C6orf132: variants seen among roughly 807,000 people sequenced by gnomAD.
C6orf132 encodes chromosome 6 open reading frame 132, also known as uncharacterized protein C6orf132.
A neutral mutation model predicts 65.3 loss-of-function variants in C6orf132; 43 were observed. The observed-to-expected ratio is 0.66, with a 90% CI of 0.52 to 0.85. The LOEUF (loss-of-function observed/expected upper bound fraction) is 0.85, where lower values mean the gene tolerates loss of function less well. C6orf132 is among the 40% of genes least tolerant of loss of function. The pLI, the probability that C6orf132 is intolerant of heterozygous loss-of-function variation, is 0.00. For synonymous variants in C6orf132, 631 were observed against 654.1 expected (o/e 0.96, Z 0.54); for missense variants, 1,488 against 1,548.8 (o/e 0.96, Z 0.66).
At chr6:42,113,220 AG>A (rs1766518210) in intron 2 of C6orf132, among the ~76,000 whole-genome samples, 1 of 152,328 alleles carries the variant, frequency 6.6e-6, no homozygotes, top group African/African-American at 2.4e-5. Flanking sequence ...TTCAAAAGCC[AG>A]GGTTGAGATC....
Position 42,104,350 on chromosome 6 carries a change from G to T in C6orf132, c.3449+113C>A. On this transcript the variant is annotated intron_variant, in intron 4 of 4. Transcript: ENST00000341865. The surrounding 1 kb of genome is among the most constrained non-coding windows in gnomAD (Gnocchi z 4.1). Reference sequence around the variant, plus strand: ...CCTCCCTCCCGCGTTCTACCTGCAAGGCCGAAGGGAGAAAACCAAATGTTT... The same window carrying T: ...CCTCCCTCCCGCGTTCTACCTGCAATGCCGAAGGGAGAAAACCAAATGTTT... The T allele has an allele frequency of 8.2e-7, 1 of 1,222,568 alleles. No homozygotes were observed. Among genetic ancestry groups the T allele is most frequent in the Non-Finnish European group, 1.0e-6 (1 of 982,300 alleles). 75.7% of individuals were successfully genotyped at this position (1,222,568 alleles called of 1,614,324 possible).
At position 42,106,703 on chromosome 6, in the gene C6orf132, G is replaced by A. The variant is rs1562033511; in HGVS notation, c.1209C>T (p.Leu403=). ...APPLPPPAPP[L]PPPAPPLPPA... ...GGGGAAGTGGGGGTGCTGGGGGAGG[G>A]AGGGGGGGTGCAGGAGGGGGCAGGG... is the stretch of plus-strand genomic sequence containing the variant. The change falls in exon 4 of 5, where the codon CTC becomes CTT. Residue 403 remains leucine (L), a synonymous_variant. Transcript: ENST00000341865. 2.4e-6 allele frequency: 3 copies of A among 1,256,472 alleles called. No homozygotes were observed. Among genetic ancestry groups the A allele is most frequent in the East Asian group, 3.2e-5 (1 of 31,556 alleles). 77.8% of individuals were successfully genotyped at this position (1,256,472 alleles called of 1,614,324 possible). A position where few individuals can be genotyped will look rare whatever the true frequency, so the allele number is the denominator to read the frequency against.
In C6orf132 at chr6:42,102,941, T is replaced by C. The variant is rs928994618; in HGVS notation, c.*820A>G. On this transcript the variant is annotated 3_prime_UTR_variant, in exon 5 of 5. Transcript: ENST00000341865. The stretch of plus-strand genomic sequence containing the variant: ...TGTCAAGCCTAAGACTCATGGCTCC[T>C]TGGGCCCAGTCCCCAAAATCAGGGC... 2.5e-6 allele frequency: 1 copy of C among 397,444 alleles called. No individual in the cohort carries two copies. The highest frequency in any genetic ancestry group is 4.4e-6 in the Non-Finnish European group (1 of 225,908). The allele number at this position is 397,444 out of a possible 1,614,324, so 24.6% of individuals were successfully genotyped here.
intron 1 of C6orf132, among the ~76,000 whole-genome samples, chr6:42,131,707 C>G (rs1036459434): frequency 1.2e-4 from 18 of 152,230 alleles, no homozygotes; most frequent in African/African-American, 4.3e-4. Context: ...GTCTGACCCC[C>G]AAGCAGGCGC....
intron 2 of C6orf132, among the ~76,000 whole-genome samples, chr6:42,115,396 C>G (rs988213271): frequency 6.6e-6 from 1 of 152,050 alleles, no homozygotes; most frequent in Non-Finnish European, 1.5e-5. Context: ...CCTGTAATCC[C>G]AGCACTTTGG....
chr6:42,108,992 CA>C (rs554890776), intron 3 of C6orf132, among the ~76,000 whole-genome samples: 17 of 152,236 alleles, frequency 1.1e-4, no homozygotes, highest in African/African-American at 4.1e-4. Flanking sequence ...ACCAACAAAA[CA>C]AAAAACAGAC....
intron 2 of C6orf132, among the ~76,000 whole-genome samples, chr6:42,111,929 C>T (rs1487933501): frequency 4.6e-5 from 7 of 152,070 alleles, no homozygotes; most frequent in African/African-American, 1.7e-4. Flanking sequence ...TTTCAAGGTC[C>T]CCAATGACCT....
chr6:42,115,934 C>CTTTTTTTTTTTTTTTTTT (rs67542628), intron 2 of C6orf132, among the ~76,000 whole-genome samples: 4 of 106,388 alleles, frequency 3.8e-5, no homozygotes, highest in Admixed American at 1.1e-4. Flanking sequence ...TTTTCTTTTT[C>CTTTTTTTTTTTTTTTTTT]TTTTTTTTTT....
chr6:42,103,118 G>C lies in C6orf132; in HGVS notation c.*643C>G. 1 of 398,726 alleles carries C rather than the reference G, an allele frequency of 2.5e-6. No homozygotes were observed. 24.7% of individuals were successfully genotyped at this position (398,726 alleles called of 1,614,324 possible). ...CACCTCTGCCCTTGGCCAATGCAAA[G>C]GGCTTCCATTCCACATGTGGGAGCT... On this transcript the variant is annotated 3_prime_UTR_variant, in exon 5 of 5. Coordinates refer to ENST00000341865, the MANE Select transcript of C6orf132 (RefSeq NM_001164446.3).
intron 1 of C6orf132, among the ~76,000 whole-genome samples, chr6:42,139,647 A>G (rs974599508): frequency 5.3e-5 from 8 of 152,114 alleles, no homozygotes. Context: ...CCCAACACAA[A>G]TTAGTGAACT....
At position 42,105,266 on chromosome 6, in the gene C6orf132, G is replaced by C. The variant is rs1302003708; in HGVS notation, c.2646C>G (p.Ile882Met). 6 of 1,537,132 alleles carry C rather than the reference G, an allele frequency of 3.9e-6. No individual in the cohort carries two copies. Among genetic ancestry groups the C allele is most frequent in the Middle Eastern group, 3.3e-4 (2 of 6,012 alleles). ...AGTTGGGCGTGCCCTGGCTGTGGAA[G>C]ATGCTGTCAGAGCTGGCCTCGGCTT... ...SHQAEASSDS[I>M]FHSQGTPNSF... Residue 882 changes from isoleucine to methionine, a missense_variant, in exon 4 of 5, where the codon ATC (isoleucine) becomes ATG (methionine). Ile to Met is a conservative substitution (Grantham distance 10). Coordinates refer to ENST00000341865, the MANE Select transcript of C6orf132 (RefSeq NM_001164446.3).
intron 2 of C6orf132, among the ~76,000 whole-genome samples, chr6:42,125,475 T>C (rs1333023501): frequency 6.6e-6 from 1 of 152,048 alleles, no homozygotes; most frequent in Non-Finnish European, 1.5e-5. Context: ...CTGGATGGGG[T>C]TGGCAAGTGG....
intron 1 of C6orf132, among the ~76,000 whole-genome samples, chr6:42,137,123 T>C (rs1237739658): frequency 1.3e-5 from 2 of 152,248 alleles, no homozygotes; most frequent in Non-Finnish European, 2.9e-5. Flanking sequence ...TTCACCTATC[T>C]GAGCCTTGCT....
chr6:42,106,770 G>T lies in C6orf132; in HGVS notation c.1142C>A (p.Ser381Tyr). The T allele has an allele frequency of 6.5e-7, 1 of 1,533,986 alleles. No homozygotes were observed. Among genetic ancestry groups the T allele is most frequent in the Non-Finnish European group, 8.7e-7 (1 of 1,146,622 alleles). The change falls in exon 4 of 5, where the codon TCC becomes TAC. Residue 381 changes from serine to tyrosine, a missense_variant. Transcript: ENST00000341865. ...AGTCCCAGCTCGTTCATCTGCTTGGGACTGGGACTGGCCAAGCCTTGGGCT... is the reference window on the plus strand; with the variant it reads ...AGTCCCAGCTCGTTCATCTGCTTGGTACTGGGACTGGCCAAGCCTTGGGCT... ...PASPRLGQSQ[S>Y]QADERAGTPP... is the part of the protein sequence containing the mutation.
rs1260639014 is a variant in C6orf132 at position 42,106,712 on chromosome 6, T to C, written c.1200A>G (p.Ala400=). The part of the protein sequence containing the change: ...PPPAPPLPPP[A]PPLPPPAPPL... ...GGGGTGCTGGGGGAGGGAGGGGGGG[T>C]GCAGGAGGGGGCAGGGGAGGGGCTG... The change falls in exon 4 of 5, where the codon GCA becomes GCG. Residue 400 remains alanine (A), a synonymous_variant. Transcript: ENST00000341865. The C allele has an allele frequency of 4.9e-6, 1 of 203,922 alleles. No homozygotes were observed. Among genetic ancestry groups the C allele is most frequent in the Non-Finnish European group, 7.3e-6 (1 of 137,114 alleles). 12.6% of individuals were successfully genotyped at this position (203,922 alleles called of 1,614,324 possible).
At position 42,105,908 on chromosome 6, in the gene C6orf132, C is replaced by T. The variant is rs1299410185; in HGVS notation, c.2004G>A (p.Gly668=). ...ATGTGGCCTTGAGTGGTGTGGCTGG[C>T]CCAAGTGTGGCCTTGGGTGGTGTGG... is the stretch of plus-strand genomic sequence containing the variant. ...WPATPPKATL[G]PATPLKATSG... The change falls in exon 4 of 5, where the codon GGG becomes GGA. Residue 668 remains glycine (G), a synonymous_variant. Coordinates refer to ENST00000341865, the MANE Select transcript of C6orf132 (RefSeq NM_001164446.3). 3.9e-6 allele frequency: 6 copies of T among 1,536,934 alleles called. No individual in the cohort carries two copies. The Admixed American group carries it at 1.2e-4, about 30-fold the overall frequency.
intron 2 of C6orf132, among the ~76,000 whole-genome samples, chr6:42,127,530 A>G (rs1244817059): frequency 6.6e-6 from 1 of 152,176 alleles, no homozygotes; most frequent in Non-Finnish European, 1.5e-5. Flanking sequence ...GGCAGCAGGT[A>G]TGGGGACCCA....
intron 1 of C6orf132, among the ~76,000 whole-genome samples, chr6:42,131,978 T>C (rs1290063699): frequency 6.6e-6 from 1 of 152,138 alleles, no homozygotes; most frequent in Non-Finnish European, 1.5e-5. Context: ...GGAAACGTGA[T>C]ACGGGAGCAG....
Position 42,102,266 on chromosome 6 carries a change from C to T in C6orf132, c.*1495G>A, listed in dbSNP as rs188880104. ...TTTTTTGAGACGAGTCTCGCTCTGTCGCCAGGCTGGAGTGCAATTGTGCAA... is the reference window on the plus strand; with the variant it reads ...TTTTTTGAGACGAGTCTCGCTCTGTTGCCAGGCTGGAGTGCAATTGTGCAA... On this transcript the variant is annotated 3_prime_UTR_variant, in exon 5 of 5. Coordinates refer to ENST00000341865, the MANE Select transcript of C6orf132 (RefSeq NM_001164446.3). 1 of 129,802 alleles carries T rather than the reference C, an allele frequency of 7.7e-6. No individual in the cohort carries two copies. The highest frequency in any genetic ancestry group is 2.4e-4 in the East Asian group (1 of 4,214). 8.0% of individuals were successfully genotyped at this position (129,802 alleles called of 1,614,324 possible).
Sources: gnomAD v4.1 joint callset for allele counts (sites outside exome capture counted in the v4.1 genomes callset) on GRCh38, gnomAD v4.1.1 for gene constraint, Gnocchi (gnomAD v3.1) non-coding constraint, MANE v1.5 for transcripts, NCBI Gene and HGNC (gene_info 2026-07-23, HGNC 2026-07-21) for gene names.